The following GPC6 variants were observed in gnomAD, a reference collection of about 807,000 sequenced individuals.
GPC6 encodes glypican 6.
GPC6 carries 14 observed loss-of-function variants against 55.2 expected under a neutral mutation model. That is an observed-to-expected ratio of 0.25 (90% CI 0.17 to 0.40). The LOEUF (loss-of-function observed/expected upper bound fraction) is 0.40. Among genes scored for constraint, GPC6 ranks in the 10% least tolerant of loss-of-function variants. The pLI is 1.00. For missense variants in GPC6, 641 were observed against 708.5 expected, an observed-to-expected ratio of 0.90 and a Z score of 1.08; for synonymous variants, 278 against 259.6, an observed-to-expected ratio of 1.07 and a Z score of -0.68.
At chr13:93,383,318 C>A (rs1445079666) in intron 1 of GPC6, among the ~76,000 whole-genome samples, 6 of 152,280 alleles carry the variant, frequency 3.9e-5, no homozygotes, top group South Asian at 4.2e-4. Flanking sequence ...CTCATGGGAT[C>A]CTTTCACCTC....
At chr13:94,369,081 T>A (rs1879411250) in intron 6 of GPC6, among the ~76,000 whole-genome samples, 1 of 152,248 alleles carries the variant, frequency 6.6e-6, no homozygotes, top group Non-Finnish European at 1.5e-5. Flanking sequence ...TTGGTTTTTT[T>A]CCTTCAATAT....
Position 93,765,953 on chromosome 13 carries a change from G to A in GPC6, c.320-64201G>A, listed in dbSNP as rs565053811. Among the ~76,000 whole-genome samples the A allele has an allele frequency of 1.1e-4, 17 of 152,228 alleles. No homozygotes were observed. The South Asian group carries it at 3.5e-3, about 32-fold the overall frequency. On this transcript the variant is annotated intron_variant, in intron 2 of 8. Transcript: ENST00000377047. ...GCCCAAATGCAACCTTGCCTCCTAT[G>A]TTAGTACATTACGTCAATGACAAAT...
At chr13:94,037,973 TTTAATTAATGTAA>T (rs1276863483) in intron 4 of GPC6, among the ~76,000 whole-genome samples, 44 of 152,132 alleles carry the variant, frequency 2.9e-4, no homozygotes, top group Non-Finnish European at 3.5e-4. Context: ...TTTATTTAAT[TTTAATTAATGTAA>T]TTAATTAATG....
At chr13:93,237,977 T>C (rs1442306725) in intron 1 of GPC6, among the ~76,000 whole-genome samples, 1 of 152,216 alleles carries the variant, frequency 6.6e-6, no homozygotes, top group Non-Finnish European at 1.5e-5. Flanking sequence ...AGCATTGTAG[T>C]ATAATTTGAA....
chr13:94,203,806 A>G (rs970570998), intron 4 of GPC6, among the ~76,000 whole-genome samples: 1 of 152,106 alleles, frequency 6.6e-6, no homozygotes, highest in Admixed American at 6.6e-5. Flanking sequence ...AATTCTATCA[A>G]ATACATGTTG....
chr13:94,063,950 A>C (rs1594706497), intron 4 of GPC6, among the ~76,000 whole-genome samples: 1 of 152,192 alleles, frequency 6.6e-6, no homozygotes, highest in African/African-American at 2.4e-5. Context: ...ACTTAACACC[A>C]TGCACCAGGA....
chr13:93,642,857 T>C (rs1202343953), intron 2 of GPC6, among the ~76,000 whole-genome samples: 1 of 152,152 alleles, frequency 6.6e-6, no homozygotes, highest in Non-Finnish European at 1.5e-5. Context: ...TGCAGTGGTT[T>C]CATCAGCTTC....
At chr13:93,707,272 A>G (rs1311581841) in intron 2 of GPC6, among the ~76,000 whole-genome samples, 1 of 151,696 alleles carries the variant, frequency 6.6e-6, no homozygotes, top group Non-Finnish European at 1.5e-5. Context: ...AGATCAGGAA[A>G]AATAACTAAT....
rs1246185216 is a variant in GPC6, at chr13:93,799,132, A to G, written c.320-31022A>G. On this transcript the variant is annotated intron_variant, in intron 2 of 8. Transcript: ENST00000377047. ...TCACATTCACCGTGTAATCAAGCAAAAGTAACTGCAAATGTTACTGTCTCT... is the reference window on the plus strand; with the variant it reads ...TCACATTCACCGTGTAATCAAGCAAGAGTAACTGCAAATGTTACTGTCTCT... Among the ~76,000 whole-genome samples, 5 of 152,176 alleles carry G rather than the reference A, an allele frequency of 3.3e-5. No individual in the cohort carries two copies. The East Asian group carries it at 9.7e-4, about 29-fold the overall frequency.
At chr13:93,845,248 G>A (rs1039385672) in intron 3 of GPC6, among the ~76,000 whole-genome samples, 1 of 151,352 alleles carries the variant, frequency 6.6e-6, no homozygotes, top group Non-Finnish European at 1.5e-5. Flanking sequence ...ATCATCACTG[G>A]CCATCAGAGA....
At chr13:93,286,325 C>T (rs1301925991) in intron 1 of GPC6, among the ~76,000 whole-genome samples, 2 of 152,190 alleles carry the variant, frequency 1.3e-5, no homozygotes, top group Non-Finnish European at 2.9e-5. Context: ...GGTCCCATGA[C>T]ATGTGAGGAT....
In GPC6 at chr13:94,046,511, G is replaced by A. The variant is rs76696514; in HGVS notation, c.877+18617G>A. Among the ~76,000 whole-genome samples the A allele has an allele frequency of 5.1e-3, 779 of 152,026 alleles. 11 individuals carry two copies. The highest frequency in any genetic ancestry group is 0.018 in the African/African-American group (745 of 41,498). Reference sequence around the variant, plus strand: ...CCTTTAAAGGGCTCAGAACAGAGCCGGGAAAATCTAGTTCCCAAGCAACTA... The same window carrying A: ...CCTTTAAAGGGCTCAGAACAGAGCCAGGAAAATCTAGTTCCCAAGCAACTA... On this transcript the variant is annotated intron_variant, in intron 4 of 8. Transcript: ENST00000377047.
intron 6 of GPC6, among the ~76,000 whole-genome samples, chr13:94,336,447 G>A (rs752830247): frequency 5.9e-5 from 9 of 152,070 alleles, no homozygotes; most frequent in Non-Finnish European, 7.3e-5. Context: ...TTAAAGCCCC[G>A]TAGTCTTTCT....
intron 2 of GPC6, among the ~76,000 whole-genome samples, chr13:93,595,835 A>C (rs554900042): frequency 8.5e-5 from 13 of 152,198 alleles, no homozygotes; most frequent in Non-Finnish European, 1.0e-4. Flanking sequence ...GTTATACATC[A>C]GAATTATTTT....
chr13:93,479,614 C>CG (rs1566378227), intron 1 of GPC6, among the ~76,000 whole-genome samples: 6 of 142,296 alleles, frequency 4.2e-5, no homozygotes, highest in Non-Finnish European at 9.3e-5. Context: ...TGAGACCCCC[C>CG]CCCATCTCTA....
At chr13:93,802,769 G>A (rs941120956) in intron 2 of GPC6, among the ~76,000 whole-genome samples, 1 of 152,118 alleles carries the variant, frequency 6.6e-6, no homozygotes, top group Non-Finnish European at 1.5e-5. Context: ...ACAGAGTTCA[G>A]TAATATGACC....
intron 1 of GPC6, among the ~76,000 whole-genome samples, chr13:93,246,828 A>G (rs1876619391): frequency 6.9e-6 from 1 of 144,858 alleles, no homozygotes; most frequent in Admixed American, 6.9e-5. Context: ...GCCACTATGC[A>G]CACATTATAG....
rs915299958 is a variant in GPC6, at chr13:93,821,657, A to G, written c.320-8497A>G. Among the ~76,000 whole-genome samples the G allele has an allele frequency of 2.6e-5, 4 of 152,298 alleles. No individual in the cohort carries two copies. In the South Asian group the frequency reaches 8.3e-4, roughly 32 times the overall value. ...AGAACTCCATTTTGGAAGTGGAAAC[A>G]TATCTTTTCTGTATTATATTTGGAC... On this transcript the variant is annotated intron_variant, in intron 2 of 8. Transcript: ENST00000377047.
At chr13:94,256,426 A>G (rs539524295) in intron 4 of GPC6, among the ~76,000 whole-genome samples, 10 of 152,294 alleles carry the variant, frequency 6.6e-5, no homozygotes, top group African/African-American at 2.4e-4. Flanking sequence ...GAGAACAATG[A>G]TTTAGAAAGA....
Sources: gnomAD v4.1 joint callset for allele counts (sites outside exome capture counted in the v4.1 genomes callset) on GRCh38, gnomAD v4.1.1 for gene constraint, MANE v1.5 for transcripts, NCBI Gene and HGNC (gene_info 2026-07-23, HGNC 2026-07-21) for gene names.